SMG1: variants seen among roughly 807,000 people sequenced by gnomAD.
SMG1 encodes serine/threonine-protein kinase SMG1.
In SMG1, 22 loss-of-function variants were observed where a neutral mutation model predicts 419.9. The ratio of observed to expected loss-of-function variants is 0.05; its 90% CI spans 0.04 to 0.07. The LOEUF (loss-of-function observed/expected upper bound fraction) is 0.07, where lower values mean the gene tolerates loss of function less well. SMG1 is among the 10% of genes least tolerant of loss of function. SMG1 has a pLI of 1.00. For missense variants in SMG1, 3,185 were observed against 4,342.0 expected, an observed-to-expected ratio of 0.73 and a Z score of 7.49; for synonymous variants, 1,538 against 1,553.5, an observed-to-expected ratio of 0.99 and a Z score of 0.23.
intron 56 of SMG1, among the ~76,000 whole-genome samples, chr16:18,819,145 A>G (rs1481302372): frequency 6.6e-6 from 1 of 152,224 alleles, no homozygotes; most frequent in African/African-American, 2.4e-5. Context: ...AAGACGTTTT[A>G]TTGTCATGTG....
chr16:18,880,721 A>AGG (rs35134931), intron 10 of SMG1, among the ~76,000 whole-genome samples: 25,913 of 63,430 alleles, frequency 0.41, 5,828 homozygotes, highest in Non-Finnish European at 0.49. Context: ...CAAAAAAAAA[A>AGG]GGGGGGGGGC....
At chr16:18,907,955 G>A (rs1279859845) in intron 1 of SMG1, among the ~76,000 whole-genome samples, 1 of 150,642 alleles carries the variant, frequency 6.6e-6, no homozygotes, top group Non-Finnish European at 1.5e-5. Context: ...CATATCATTT[G>A]GCCTGGGAAA....
chr16:18,874,080 G>C (rs2035973061), intron 13 of SMG1, among the ~76,000 whole-genome samples: 1 of 152,126 alleles, frequency 6.6e-6, no homozygotes, highest in Admixed American at 6.5e-5. Context: ...CAAACATCAA[G>C]TTTTACCTTT....
chr16:18,926,188 G>A lies in SMG1; in HGVS notation c.-147C>T, dbSNP rs1416527004. On this transcript the variant is annotated 5_prime_UTR_variant, in exon 1 of 63. Transcript: ENST00000446231. The stretch of plus-strand genomic sequence containing the variant: ...AGGAGGAGGAGGAGGAGGAGAAGGA[G>A]GAGGCGGCGGAGGGCGGGGGAAGAG... 3.0e-6 allele frequency: 2 copies of A among 659,968 alleles called. No individual in the cohort carries two copies. Among genetic ancestry groups the A allele is most frequent in the African/African-American group, 3.9e-5 (2 of 51,326 alleles). 40.9% of individuals were successfully genotyped at this position (659,968 alleles called of 1,614,324 possible). A position where few individuals can be genotyped will look rare whatever the true frequency, so the allele number is the denominator to read the frequency against.
chr16:18,897,378 C>G (rs951891923), intron 1 of SMG1, among the ~76,000 whole-genome samples: 1 of 152,070 alleles, frequency 6.6e-6, no homozygotes, highest in African/African-American at 2.4e-5. Context: ...AAAATTTCAG[C>G]CTTTCCTGTC....
chr16:18,904,099 G>A (rs1156469731), intron 1 of SMG1, among the ~76,000 whole-genome samples: 1 of 150,910 alleles, frequency 6.6e-6, no homozygotes, highest in Non-Finnish European at 1.5e-5. Flanking sequence ...CACCACGCCC[G>A]GCTAATTTTT....
chr16:18,925,929 G>A (rs1171913182), intron 1 of SMG1, 21 bp downstream of exon 1: 1 of 1,516,260 alleles, frequency 6.6e-7, no homozygotes. Flanking sequence ...GTCGGGGCGG[G>A]GTCCCGGGCC....
rs557271189 is a variant in SMG1, at chr16:18,879,412, G to T, written c.1518+83C>A. 12 of 1,310,334 alleles carry T rather than the reference G, an allele frequency of 9.2e-6. No homozygotes were observed. The South Asian group carries it at 1.5e-4, about 17-fold the overall frequency. 81.2% of individuals were successfully genotyped at this position (1,310,334 alleles called of 1,614,324 possible). A position where few individuals can be genotyped will look rare whatever the true frequency, so the allele number is the denominator to read the frequency against. On this transcript the variant is annotated intron_variant, in intron 11 of 62. Coordinates refer to ENST00000446231, the MANE Select transcript of SMG1 (RefSeq NM_015092.5). ...TTACAAGCATGAGCCACCATGCCCA[G>T]ACAAAGCCCTTAATTTCTTACATAT...
chr16:18,845,369 T>G, intron 39 of SMG1, 60 bp downstream of exon 39: 4 of 1,416,548 alleles, frequency 2.8e-6, no homozygotes, highest in Non-Finnish European at 3.9e-6. Context: ...TATTGAAATT[T>G]CGTATCTCAT....
intron 59 of SMG1, 21 bp downstream of exon 59, chr16:18,815,419 C>G (rs2031914765): frequency 6.2e-7 from 1 of 1,611,552 alleles, no homozygotes; most frequent in African/African-American, 1.3e-5. Flanking sequence ...TTTATAAATT[C>G]TGACCAGAAG....
chr16:18,872,732 T>A, intron 13 of SMG1, 108 bp from the exon 14 acceptor site: 1 of 1,033,466 alleles, frequency 9.7e-7, no homozygotes, highest in East Asian at 2.6e-5. Flanking sequence ...AAATTAAAAT[T>A]ACAGACTGCA....
intron 1 of SMG1, among the ~76,000 whole-genome samples, chr16:18,903,678 G>A (rs12924209): frequency 0.095 from 14,430 of 152,150 alleles, 724 homozygotes; most frequent in Middle Eastern, 0.17. Flanking sequence ...GATGACTAAG[G>A]TTTCATAACT....
chr16:18,877,182 C>G lies in SMG1; in HGVS notation c.1569G>C (p.Leu523=), dbSNP rs1385589929. The G allele has an allele frequency of 6.4e-7, 1 of 1,555,376 alleles. No homozygotes were observed. The highest frequency in any genetic ancestry group is 8.7e-7 in the Non-Finnish European group (1 of 1,153,980). ...TKLPSSFVEK[L]FIPSSKLLFL... The stretch of plus-strand genomic sequence containing the variant: ...ATAGTAGTTTAGATGATGGTATAAA[C>G]AGTTTTTCTACAAATGATGATGGCA... Residue 523 remains leucine, a synonymous_variant, in exon 12 of 63, where the codon CTG becomes CTC. Transcript: ENST00000446231.
intron 1 of SMG1, among the ~76,000 whole-genome samples, chr16:18,909,402 G>A (rs1260611401): frequency 6.6e-6 from 1 of 151,974 alleles, no homozygotes; most frequent in Non-Finnish European, 1.5e-5. Flanking sequence ...GGCCAAGCCA[G>A]CTGCAGTAGC....
chr16:18,841,531 T>G, intron 41 of SMG1, 34 bp downstream of exon 41: 2 of 1,579,462 alleles, frequency 1.3e-6, no homozygotes, highest in South Asian at 1.1e-5. Flanking sequence ...TAACAGAGAA[T>G]AGACTAATAC....
intron 60 of SMG1, 103 bp from the exon 61 acceptor site, chr16:18,812,230 A>G: frequency 2.7e-6 from 3 of 1,094,562 alleles, no homozygotes; most frequent in Non-Finnish European, 3.9e-6. Context: ...TACCCCAATT[A>G]AATAATCAAC....
At position 18,816,428 on chromosome 16, in the gene SMG1, C is replaced by G. The variant is rs2032005271; in HGVS notation, c.10176G>C (p.Glu3392Asp). 1 of 1,613,914 alleles carries G rather than the reference C, an allele frequency of 6.2e-7. No homozygotes were observed. Among genetic ancestry groups the G allele is most frequent in the African/African-American group, 1.3e-5 (1 of 75,034 alleles). ...DMSTQRAIQT[E>D]KEQQIETVCE... ...AGACCGTTTCTATCTGCTGCTCTTT[C>G]TCTGTCTGAATTGCCCTCTGAGTAG... Residue 3392 changes from glutamate to aspartate, a missense_variant, in exon 58 of 63, where the codon GAG becomes GAC. Around this residue, in one of 27 missense-constraint regions of SMG1, gnomAD observed 737 missense variants for 846.6 expected, o/e 0.87. Coordinates refer to ENST00000446231, the MANE Select transcript of SMG1 (RefSeq NM_015092.5).
At chr16:18,814,633 G>A (rs1430833267) in intron 60 of SMG1, among the ~76,000 whole-genome samples, 1 of 151,964 alleles carries the variant, frequency 6.6e-6, no homozygotes, top group Non-Finnish European at 1.5e-5. Flanking sequence ...GGAGTGCAGT[G>A]GCGTGATCTT....
At chr16:18,883,644 C>G (rs1223316780) in intron 9 of SMG1, among the ~76,000 whole-genome samples, 2 of 152,196 alleles carry the variant, frequency 1.3e-5, no homozygotes, top group Non-Finnish European at 2.9e-5. Flanking sequence ...ATTGACTGGG[C>G]ACGGGGGCTC....
Sources: gnomAD v4.1 joint callset for allele counts (sites outside exome capture counted in the v4.1 genomes callset) on GRCh38, gnomAD v4.1.1 for gene constraint, gnomAD v4.1.1 regional missense constraint, MANE v1.5 for transcripts, NCBI Gene and HGNC (gene_info 2026-07-23, HGNC 2026-07-21) for gene names.